Variants in TRPV6 observed in about 807,000 individuals in gnomAD.
The protein encoded by TRPV6 is Alu-binding protein with zinc finger domain.
In TRPV6, 39 loss-of-function variants were observed where a neutral mutation model predicts 79.0. The ratio of observed to expected loss-of-function variants is 0.49; its 90% CI spans 0.38 to 0.64. The LOEUF (loss-of-function observed/expected upper bound fraction) is 0.64, where lower values mean the gene tolerates loss of function less well. Ranked by LOEUF, TRPV6 falls within the 30% of genes least tolerant of loss-of-function variation. The pLI is 0.00. For synonymous variants in TRPV6, 373 were observed against 391.9 expected (o/e 0.95, Z 0.57); for missense variants, 813 against 1,011.1 (o/e 0.80, Z 2.66).
rs763514570 is a variant in TRPV6 at position 142,875,679 on chromosome 7, G to A, written c.1031C>T (p.Ala344Val). ...CGGCGTCTGGTCCAGGATCTGGCGA[G>A]CCTGCAACAGAAAGAGAACAGGTGG... Residue 344 changes from alanine to valine, a missense_variant and splice_region_variant, in exon 8 of 15, where the codon GCT becomes GTT. This residue lies in a region of TRPV6 where 555 missense variants were observed against 631.0 expected (regional missense o/e 0.88). Coordinates refer to ENST00000359396, the MANE Select transcript of TRPV6 (RefSeq NM_018646.6). The A allele has an allele frequency of 1.2e-6, 2 of 1,610,670 alleles. No individual in the cohort carries two copies. The highest frequency in any genetic ancestry group is 1.1e-5 in the South Asian group (1 of 90,502).
In TRPV6 at chr7:142,875,454, T is replaced by G; in HGVS notation, c.1242+14A>C. ...AAGTCCTGCCCTGCTGATCTGCTCC[T>G]ACAAGGGTGTCACCTGAAGTAGCTT... On this transcript the variant is annotated intron_variant, in intron 8 of 14. Transcript: ENST00000359396. The G allele has an allele frequency of 2.6e-6, 4 of 1,555,986 alleles. No homozygotes were observed. Among genetic ancestry groups the G allele is most frequent in the Non-Finnish European group, 3.5e-6 (4 of 1,154,182 alleles).
chr7:142,884,953 G>A (rs74515827), intron 1 of TRPV6: 1,714 of 153,112 alleles, frequency 0.011, 40 homozygotes, highest in African/African-American at 0.039. Flanking sequence ...TCATTCAATC[G>A]TTCACTCATT....
intron 1 of TRPV6, chr7:142,878,413 G>C (rs975548841): frequency 4.2e-6 from 1 of 238,798 alleles, no homozygotes; most frequent in African/African-American, 2.2e-5. Flanking sequence ...CCCTCACCAG[G>C]TGCCCTGAGA....
rs111489157 is a variant in TRPV6 at position 142,871,702 on chromosome 7, C to T, written c.*5G>A. Reference sequence around the variant, plus strand: ...AGTTCCAGGAAGCGAAGTGAGAACACGCAGTCAGATCTGATATTCCCAGCT... The same window carrying T: ...AGTTCCAGGAAGCGAAGTGAGAACATGCAGTCAGATCTGATATTCCCAGCT... On this transcript the variant is annotated 3_prime_UTR_variant, in exon 15 of 15. Coordinates refer to ENST00000359396, the MANE Select transcript of TRPV6 (RefSeq NM_018646.6). The T allele has an allele frequency of 7.8e-4, 1,224 of 1,576,256 alleles. 17 individuals carry two copies. In the African/African-American group the frequency reaches 0.015, roughly 19 times the overall value.
intron 1 of TRPV6, chr7:142,883,433 C>T (rs1250764568): frequency 6.6e-6 from 1 of 152,322 alleles, no homozygotes; most frequent in Non-Finnish European, 1.5e-5. Context: ...CCCTGTGAGT[C>T]CCCTTTGGAA....
At chr7:142,885,258 G>A in intron 1 of TRPV6, 131 bp downstream of exon 1, 2 of 1,116,318 alleles carry the variant, frequency 1.8e-6, no homozygotes, top group Non-Finnish European at 2.5e-6. Context: ...CTCCCAAGGA[G>A]CCAGTCCGGG....
rs1386631645 is a variant in TRPV6, at chr7:142,885,312, G to A, written c.248+77C>T. 29 of 1,493,000 alleles carry A rather than the reference G, an allele frequency of 1.9e-5. No individual in the cohort carries two copies. The Admixed American group carries it at 3.5e-4, about 18-fold the overall frequency. 92.5% of individuals were successfully genotyped at this position (1,493,000 alleles called of 1,614,324 possible). Reference sequence around the variant, plus strand: ...CCAGCCAAAGGTGCCAAACAAAGACGGGAGGTGAGGGAGGGGTGAGGGGTA... The same window carrying A: ...CCAGCCAAAGGTGCCAAACAAAGACAGGAGGTGAGGGAGGGGTGAGGGGTA... On this transcript the variant is annotated intron_variant, in intron 1 of 14. Transcript: ENST00000359396.
intron 1 of TRPV6, chr7:142,878,679 GTTCATTCA>G (rs17881330): frequency 0.77 from 116,724 of 151,172 alleles, 48,453 homozygotes; most frequent in East Asian, 0.97. Flanking sequence ...CCTCATAGGT[GTTCATTCA>G]TTCATTCATT....
chr7:142,875,016 A>T, intron 9 of TRPV6, 36 bp from the exon 10 acceptor site: 1 of 1,614,134 alleles, frequency 6.2e-7, no homozygotes, highest in East Asian at 2.2e-5. Flanking sequence ...GCACTCAGAT[A>T]CCGGAACTTG....
intron 13 of TRPV6, among the ~76,000 whole-genome samples, chr7:142,872,750 A>T (rs1794970541): frequency 6.6e-6 from 1 of 152,140 alleles, no homozygotes; most frequent in Admixed American, 6.5e-5. Flanking sequence ...GACCCTACAG[A>T]CATAAAGGCC....
At chr7:142,872,562 T>C (rs1476624396) in intron 13 of TRPV6, 84 bp from the exon 14 acceptor site, 34 of 1,351,984 alleles carry the variant, frequency 2.5e-5, no homozygotes, top group Admixed American at 9.8e-5. Context: ...GTTGACCTTC[T>C]TCAGTGGGAG....
rs200554107 is a variant in TRPV6, at chr7:142,874,583, T to G, written c.1480A>C (p.Met494Leu). 1 of 1,613,838 alleles carries G rather than the reference T, an allele frequency of 6.2e-7. No individual in the cohort carries two copies. The highest frequency in any genetic ancestry group is 8.5e-7 in the Non-Finnish European group (1 of 1,179,992). ...CAGCCCAGCACGAGTGCAAAGGACA[T>G]GGGTACCACCTCCCCGCTGGCACTG... Residue 494 changes from methionine to leucine, a missense_variant, in exon 11 of 15, where the codon ATG becomes CTG. Met to Leu is a conservative substitution (Grantham distance 15). Around this residue, in one of 3 missense-constraint regions of TRPV6, gnomAD observed 94 missense variants for 194.0 expected, o/e 0.48. Transcript: ENST00000359396.
At chr7:142,874,701 T>C (rs2116512119) in intron 10 of TRPV6, 45 bp from the exon 11 acceptor site, 1 of 1,594,526 alleles carries the variant, frequency 6.3e-7, no homozygotes, top group East Asian at 2.3e-5. Context: ...GCTGGGATGA[T>C]CCTGGGGACC....
chr7:142,877,838 C>G, intron 2 of TRPV6, 65 bp from the exon 3 acceptor site: 2 of 1,612,900 alleles, frequency 1.2e-6, no homozygotes, highest in Non-Finnish European at 1.7e-6. Flanking sequence ...ACGATAGATT[C>G]AGAGGCCAAC....
In TRPV6 at chr7:142,871,497, T is replaced by C. The variant is rs2116501800; in HGVS notation, c.*210A>G. ...AGTTCCTCACGCCCTGCCAGCCCCGTGCTTGGGCTGGGCTTCCTCTGCCCC... is the reference window on the plus strand; with the variant it reads ...AGTTCCTCACGCCCTGCCAGCCCCGCGCTTGGGCTGGGCTTCCTCTGCCCC... On this transcript the variant is annotated 3_prime_UTR_variant, in exon 15 of 15. Transcript: ENST00000359396. 2 of 602,842 alleles carry C rather than the reference T, an allele frequency of 3.3e-6. No homozygotes were observed. The highest frequency in any genetic ancestry group is 5.9e-5 in the East Asian group (2 of 34,178). The allele number at this position is 602,842 out of a possible 1,614,324, so 37.3% of individuals were successfully genotyped here.
chr7:142,871,834 A>T lies in TRPV6; in HGVS notation c.2171T>A (p.Val724Glu). The change falls in exon 15 of 15, where the codon GTG (valine) becomes GAG (glutamate). Residue 724 changes from valine (V) to glutamate (E), a missense_variant. Val to Glu is a moderately radical substitution (Grantham distance 121, BLOSUM62 -2). Around this residue, in one of 3 missense-constraint regions of TRPV6, gnomAD observed 164 missense variants for 186.1 expected, o/e 0.88. Coordinates refer to ENST00000359396, the MANE Select transcript of TRPV6 (RefSeq NM_018646.6). ...ACTGCTGCGGGAGGTACTTCGAGACACTGAGGGCATAGGAAGGGACAGGTG... is the reference window on the plus strand; with the variant it reads ...ACTGCTGCGGGAGGTACTTCGAGACTCTGAGGGCATAGGAAGGGACAGGTG... 6 of 1,614,174 alleles carry T rather than the reference A, an allele frequency of 3.7e-6. No individual in the cohort carries two copies. Among genetic ancestry groups the T allele is most frequent in the Non-Finnish European group, 5.1e-6 (6 of 1,180,028 alleles).
At position 142,873,968 on chromosome 7, in the gene TRPV6, C is replaced by T; in HGVS notation, c.1639+108G>A. The T allele has an allele frequency of 7.6e-7, 1 of 1,317,930 alleles. No homozygotes were observed. The allele number at this position is 1,317,930 out of a possible 1,614,324, so 81.6% of individuals were successfully genotyped here. ...CCCATCCTCTGATACCATAGGTCTCCTCTGATCTCTGCATTACTCCTCCTC... is the reference window on the plus strand; with the variant it reads ...CCCATCCTCTGATACCATAGGTCTCTTCTGATCTCTGCATTACTCCTCCTC... On this transcript the variant is annotated intron_variant, in intron 12 of 14. Transcript: ENST00000359396. The surrounding 1 kb of genome is among the most constrained non-coding windows in gnomAD (Gnocchi z 4.8).
Position 142,885,593 on chromosome 7 carries a change from GC to G in TRPV6, c.43del (p.Ala15LeufsTer7), listed in dbSNP as rs1795289985. On this transcript the variant is annotated frameshift_variant, in exon 1 of 15. Coordinates refer to ENST00000359396, the MANE Select transcript of TRPV6 (RefSeq NM_018646.6). LOFTEE classifies it high-confidence loss of function. ...GGGACTCAGCCTTGGGGCCACATCA[GC>G]CCCCCCAAGGGCCGGCCCACCGTCT... 2.7e-6 allele frequency: 4 copies of G among 1,495,472 alleles called. No homozygotes were observed. Among genetic ancestry groups the G allele is most frequent in the South Asian group, 1.4e-5 (1 of 72,774 alleles). The allele number at this position is 1,495,472 out of a possible 1,614,324, so 92.6% of individuals were successfully genotyped here.
intron 1 of TRPV6, chr7:142,880,584 T>C (rs1586193707): frequency 6.6e-6 from 1 of 152,028 alleles, no homozygotes; most frequent in South Asian, 2.1e-4. Context: ...TCCTAGATGT[T>C]AGTGGTGGTA....
Sources: gnomAD v4.1 joint callset for allele counts (sites outside exome capture counted in the v4.1 genomes callset) on GRCh38, gnomAD v4.1.1 for gene constraint, gnomAD v4.1.1 regional missense constraint, Gnocchi (gnomAD v3.1) non-coding constraint, MANE v1.5 for transcripts, NCBI Gene and HGNC (gene_info 2026-07-23, HGNC 2026-07-21) for gene names.